EXOC3L2: variants seen among roughly 807,000 people sequenced by gnomAD.
EXOC3L2 encodes exocyst complex component 3-like protein 2.
A neutral mutation model predicts 44.4 loss-of-function variants in EXOC3L2; 17 were observed. The ratio of observed to expected loss-of-function variants is 0.38; its 90% confidence interval spans 0.26 to 0.57. The LOEUF is 0.57. Among genes scored for constraint, EXOC3L2 ranks in the 20% least tolerant of loss-of-function variants. The pLI, the probability that EXOC3L2 is intolerant of heterozygous loss-of-function variation, is 0.65. For missense variants in EXOC3L2, 541 were observed against 588.4 expected (o/e 0.92, Z 0.83); for synonymous variants, 256 against 253.7 (o/e 1.01, Z -0.09).
intron 9 of EXOC3L2, among the ~76,000 whole-genome samples, chr19:45,217,898 C>T (rs1969854168): frequency 6.6e-6 from 1 of 152,010 alleles, no homozygotes; most frequent in African/African-American, 2.4e-5. Flanking sequence ...CTCTGCCGGT[C>T]CCCAAAGGGT....
chr19:45,214,456 G>GTT (rs140511806), intron 11 of EXOC3L2, among the ~76,000 whole-genome samples: 4 of 151,328 alleles, frequency 2.6e-5, no homozygotes, highest in African/African-American at 9.8e-5. Context: ...GTTTTTTTGT[G>GTT]TGTTTGTTTG....
chr19:45,226,500 G>A (rs1304083136), intron 7 of EXOC3L2, among the ~76,000 whole-genome samples: 1 of 152,006 alleles, frequency 6.6e-6, no homozygotes, highest in African/African-American at 2.4e-5. Flanking sequence ...GCAGTGACGG[G>A]ATCTTGGCTC....
In EXOC3L2 at chr19:45,224,367, G is replaced by A. The variant is rs138922956; in HGVS notation, c.1719+411C>T. Reference sequence around the variant, plus strand: ...ATAACATGGGTTGAGCTTGTGTTACGGCCAGGAACACACTCCCCCTGCAGT... The same window carrying A: ...ATAACATGGGTTGAGCTTGTGTTACAGCCAGGAACACACTCCCCCTGCAGT... On this transcript the variant is annotated intron_variant, in intron 8 of 11. Coordinates refer to ENST00000413988, the MANE Select transcript of EXOC3L2 (RefSeq NM_001382422.1). Among the ~76,000 whole-genome samples the A allele has an allele frequency of 8.7e-3, 1,319 of 152,084 alleles. 18 individuals carry two copies. Among genetic ancestry groups the A allele is most frequent in the African/African-American group, 0.03 (1,237 of 41,476 alleles).
chr19:45,242,018 GGGA>G (rs1259162446), intron 1 of EXOC3L2, among the ~76,000 whole-genome samples: 2 of 152,220 alleles, frequency 1.3e-5, no homozygotes, highest in African/African-American at 2.4e-5. Flanking sequence ...TCCTTGTGTG[GGGA>G]GGAGGAGGGT....
rs1374830347 is a variant in EXOC3L2 at position 45,215,964 on chromosome 19, G to T, written c.2120+109C>A. ...CCAGCAGGAAACGGCCGTCAGACACGCTCACCGGCTCCCTCCCTCAGGAGG... is the reference window on the plus strand; with the variant it reads ...CCAGCAGGAAACGGCCGTCAGACACTCTCACCGGCTCCCTCCCTCAGGAGG... On this transcript the variant is annotated intron_variant, in intron 11 of 11. Coordinates refer to ENST00000413988, the MANE Select transcript of EXOC3L2 (RefSeq NM_001382422.1). 6 of 1,476,410 alleles carry T rather than the reference G, an allele frequency of 4.1e-6. No homozygotes were observed. In the South Asian group the frequency reaches 6.5e-5, roughly 16 times the overall value. 91.5% of individuals were successfully genotyped at this position (1,476,410 alleles called of 1,614,324 possible). A position where few individuals can be genotyped will look rare whatever the true frequency, so the allele number is the denominator to read the frequency against.
At chr19:45,232,164 C>T (rs1970038638) in intron 3 of EXOC3L2, among the ~76,000 whole-genome samples, 1 of 152,140 alleles carries the variant, frequency 6.6e-6, no homozygotes, top group Non-Finnish European at 1.5e-5. Flanking sequence ...TTTCACCAGA[C>T]AGAAGTTCCC....
intron 4 of EXOC3L2, among the ~76,000 whole-genome samples, chr19:45,228,933 T>C (rs1459210138): frequency 6.6e-6 from 1 of 151,562 alleles, no homozygotes; most frequent in Non-Finnish European, 1.5e-5. Context: ...TAGCCGGGCG[T>C]GGTGGTGGGC....
chr19:45,218,270 G>A lies in EXOC3L2; in HGVS notation c.1769C>T (p.Ala590Val), dbSNP rs746926187. Reference sequence around the variant, plus strand: ...CAGCGTGCCCACGATGCCATCCAGGGCCTCCGGGCTGCTCAGCCACTTCCG... The same window carrying A: ...CAGCGTGCCCACGATGCCATCCAGGACCTCCGGGCTGCTCAGCCACTTCCG... ...MRRKWLSSPEALDGIVGTLGA... is the reference protein window; with the variant it reads ...MRRKWLSSPEVLDGIVGTLGA... The change falls in exon 9 of 12, where the codon GCC becomes GTC. Residue 590 changes from alanine to valine, a missense_variant. Coordinates refer to ENST00000413988, the MANE Select transcript of EXOC3L2 (RefSeq NM_001382422.1). 1.2e-6 allele frequency: 2 copies of A among 1,608,398 alleles called. No individual in the cohort carries two copies. The highest frequency in any genetic ancestry group is 1.7e-6 in the Non-Finnish European group (2 of 1,178,404).
chr19:45,225,600 A>C (rs1014881914), intron 7 of EXOC3L2, among the ~76,000 whole-genome samples: 1 of 145,560 alleles, frequency 6.9e-6, no homozygotes, highest in Non-Finnish European at 1.5e-5. Flanking sequence ...ACAGCTCTGA[A>C]ACTGTACCCT....
In EXOC3L2 at chr19:45,234,824, G is replaced by C. The variant is rs1260090746; in HGVS notation, c.526C>G (p.Leu176Val). ...TGCTGGATCAGGCTCAGGATCTCCAGCACTGCGGGAGCAAAGCGGGAGGTC... is the reference window on the plus strand; with the variant it reads ...TGCTGGATCAGGCTCAGGATCTCCACCACTGCGGGAGCAAAGCGGGAGGTC... ...PPKMKEPLSV[L>V]EILSLIQQRE... Residue 176 changes from leucine to valine, a missense_variant and splice_region_variant, in exon 3 of 12, where the codon CTG becomes GTG. Leu to Val is a conservative substitution (Grantham distance 32). Coordinates refer to ENST00000413988, the MANE Select transcript of EXOC3L2 (RefSeq NM_001382422.1). This position sits in a 1 kb window ranked among gnomAD's most constrained non-coding sequence, Gnocchi z 5.0. The C allele has an allele frequency of 2.5e-5, 10 of 393,890 alleles. No individual in the cohort carries two copies. In the East Asian group the frequency reaches 3.6e-4, roughly 14 times the overall value. 24.4% of individuals were successfully genotyped at this position (393,890 alleles called of 1,614,324 possible).
At chr19:45,235,260 A>G (rs1599767737) in intron 2 of EXOC3L2, among the ~76,000 whole-genome samples, 1 of 152,120 alleles carries the variant, frequency 6.6e-6, no homozygotes, top group Non-Finnish European at 1.5e-5. Flanking sequence ...GCGCCACTGC[A>G]CCCCAGCCTG....
chr19:45,237,491 G>T (rs140223654), intron 2 of EXOC3L2, among the ~76,000 whole-genome samples: 3,313 of 152,046 alleles, frequency 0.022, 55 homozygotes, highest in Non-Finnish European at 0.035. Context: ...CTGAGTGATA[G>T]AGCGAGACCT....
Position 45,228,796 on chromosome 19 carries a change from G to T in EXOC3L2, c.1270-530C>A, listed in dbSNP as rs558272454. Among the ~76,000 whole-genome samples, 3 of 146,986 alleles carry T rather than the reference G, an allele frequency of 2.0e-5. No individual in the cohort carries two copies. In the South Asian group the frequency reaches 6.4e-4, roughly 32 times the overall value. On this transcript the variant is annotated intron_variant, in intron 4 of 11. Transcript: ENST00000413988. ...CAAAAATAAAAATAAAATAGGCTGG[G>T]CGCGGTGGCTCACGCCTGTAATCCC...
At chr19:45,243,038 A>G (rs1380490766) in intron 1 of EXOC3L2, among the ~76,000 whole-genome samples, 1 of 152,082 alleles carries the variant, frequency 6.6e-6, no homozygotes, top group Admixed American at 6.6e-5. Flanking sequence ...CAGAAATAAT[A>G]TACTGTTCTA....
At chr19:45,213,437 A>G in intron 11 of EXOC3L2, 80 bp from the exon 12 acceptor site, 1 of 1,532,716 alleles carries the variant, frequency 6.5e-7, no homozygotes, top group Non-Finnish European at 8.8e-7. Flanking sequence ...ACCCCACCTG[A>G]CCCCCTCACC....
At position 45,228,091 on chromosome 19, in the gene EXOC3L2, G is replaced by A. The variant is rs759363137; in HGVS notation, c.1372-17C>T. The A allele has an allele frequency of 2.3e-5, 37 of 1,613,930 alleles. No homozygotes were observed. Among genetic ancestry groups the A allele is most frequent in the Middle Eastern group, 1.6e-4 (1 of 6,084 alleles). The stretch of plus-strand genomic sequence containing the variant: ...TTCCAGCAGCTGTGAGGTCCAGGGC[G>A]ACAAGAAGAGGTGAGGAGGGGCAAG... On this transcript the variant is annotated splice_polypyrimidine_tract_variant and intron_variant, in intron 5 of 11. Transcript: ENST00000413988.
At chr19:45,219,048 T>C (rs1393922223) in intron 8 of EXOC3L2, among the ~76,000 whole-genome samples, 2 of 151,962 alleles carry the variant, frequency 1.3e-5, no homozygotes, top group African/African-American at 4.8e-5. Context: ...ACCCTGTCTC[T>C]ACTAAAATAC....
rs780261822 is a variant in EXOC3L2 at position 45,228,055 on chromosome 19, T to G, written c.1391A>C (p.Glu464Ala). The change falls in exon 6 of 12, where the codon GAG becomes GCG. Residue 464 changes from glutamate (E) to alanine (A), a missense_variant. By Grantham distance (107) the Glu-to-Ala change is moderately radical. Coordinates refer to ENST00000413988, the MANE Select transcript of EXOC3L2 (RefSeq NM_001382422.1). ...DVCELLEEHT[E>A]RAPRISQEFG... The stretch of plus-strand genomic sequence containing the variant: ...CTCCTGGCTGATGCGGGGTGCTCGC[T>G]CTGTGTGCTCTTCCAGCAGCTGTGA... 2.5e-6 allele frequency: 4 copies of G among 1,613,972 alleles called. No individual in the cohort carries two copies. In the Admixed American group the frequency reaches 6.7e-5, roughly 27 times the overall value.
Position 45,231,775 on chromosome 19 carries a change from G to T in EXOC3L2, c.1257C>A (p.Val419=), listed in dbSNP as rs756312859. ...AAGTTCCAGGTACCTTAACATCTGT[G>T]ACGCATTCATCCTCCAAACCCCGCA... The part of the protein sequence containing the change: ...GTLRGLEDEC[V]TDVKAQTRAA... The change falls in exon 4 of 12, where the codon GTC becomes GTA. Residue 419 remains valine (V), a synonymous_variant. Coordinates refer to ENST00000413988, the MANE Select transcript of EXOC3L2 (RefSeq NM_001382422.1). 3.1e-6 allele frequency: 5 copies of T among 1,609,748 alleles called. No homozygotes were observed. In the East Asian group the frequency reaches 1.1e-4, roughly 36 times the overall value.
Sources: allele counts gnomAD v4.1 joint callset (sites outside exome capture counted in the v4.1 genomes callset), GRCh38; gene constraint gnomAD v4.1.1; non-coding constraint Gnocchi (gnomAD v3.1); transcripts MANE v1.5; gene names NCBI Gene and HGNC (gene_info 2026-07-23, HGNC 2026-07-21).